Variants in PCDH9 observed in about 807,000 individuals in gnomAD.
PCDH9 encodes the protein protocadherin 9.
PCDH9 carries 24 observed loss-of-function variants against 70.6 expected under a neutral mutation model. The ratio of observed to expected loss-of-function variants is 0.34; its 90% CI spans 0.25 to 0.48. PCDH9 has a LOEUF of 0.48. Ranked by LOEUF, PCDH9 falls within the 20% of genes least tolerant of loss-of-function variation. PCDH9 has a pLI of 0.99. For synonymous variants in PCDH9, 562 were observed against 558.5 expected, an observed-to-expected ratio of 1.01 and a Z score of -0.09; for missense variants, 1,281 against 1,503.6, an observed-to-expected ratio of 0.85 and a Z score of 2.45.
intron 2 of PCDH9, among the ~76,000 whole-genome samples, chr13:66,917,040 TAA>T (rs2082568704): frequency 6.6e-6 from 1 of 151,528 alleles, no homozygotes; most frequent in African/African-American, 2.4e-5. Context: ...TCTTTAAAAA[TAA>T]AGTCTGTTCC....
intron 4 of PCDH9, among the ~76,000 whole-genome samples, chr13:66,502,264 G>A (rs750410431): frequency 2.0e-5 from 3 of 151,996 alleles, no homozygotes; most frequent in South Asian, 2.1e-4. Context: ...CACTGAATAA[G>A]GTTATTATTG....
At chr13:67,002,975 C>CT (rs569682957) in intron 2 of PCDH9, among the ~76,000 whole-genome samples, 56 of 151,076 alleles carry the variant, frequency 3.7e-4, no homozygotes, top group Admixed American at 4.0e-4. Context: ...TACATGGAGG[C>CT]TTTTTTTTAA....
intron 3 of PCDH9, among the ~76,000 whole-genome samples, chr13:66,897,986 C>A (rs2082211088): frequency 6.6e-6 from 1 of 152,006 alleles, no homozygotes; most frequent in Admixed American, 6.6e-5. Context: ...TAACAATTCT[C>A]CAGTCCATGA....
intron 4 of PCDH9, among the ~76,000 whole-genome samples, chr13:66,389,388 A>G (rs1269205757): frequency 3.9e-5 from 6 of 152,214 alleles, no homozygotes; most frequent in African/African-American, 1.4e-4. Context: ...CTAAAAATGC[A>G]TCAACAAATA....
intron 2 of PCDH9, among the ~76,000 whole-genome samples, chr13:67,126,711 G>A (rs2086988241): frequency 6.6e-6 from 1 of 152,110 alleles, no homozygotes; most frequent in Non-Finnish European, 1.5e-5. Context: ...TTAGCTAAGT[G>A]TGGTGGCACA....
At chr13:66,855,364 C>T (rs1748556554) in intron 3 of PCDH9, among the ~76,000 whole-genome samples, 1 of 152,024 alleles carries the variant, frequency 6.6e-6, no homozygotes, top group African/African-American at 2.4e-5. Flanking sequence ...TTACGGATTG[C>T]TGTGTTGTAA....
chr13:66,968,561 G>A (rs1368902519), intron 2 of PCDH9, among the ~76,000 whole-genome samples: 1 of 151,914 alleles, frequency 6.6e-6, no homozygotes, highest in African/African-American at 2.4e-5. Flanking sequence ...CATGCTGATG[G>A]CACAGGTATA....
chr13:66,751,466 ATC>A (rs1405896225), intron 3 of PCDH9, among the ~76,000 whole-genome samples: 89 of 152,262 alleles, frequency 5.8e-4, no homozygotes, highest in Non-Finnish European at 1.2e-4. Context: ...TACTATGAAA[ATC>A]TCTTTGTCTT....
At chr13:66,626,827 CA>C (rs1343615962) in intron 4 of PCDH9, among the ~76,000 whole-genome samples, 2 of 152,092 alleles carry the variant, frequency 1.3e-5, no homozygotes, top group African/African-American at 4.8e-5. Context: ...AGACTATCAT[CA>C]TTTACTTATT....
At chr13:67,047,358 A>G (rs543785860) in intron 2 of PCDH9, among the ~76,000 whole-genome samples, 1 of 152,352 alleles carries the variant, frequency 6.6e-6, no homozygotes, top group South Asian at 2.1e-4. Flanking sequence ...TTTTTCTAAT[A>G]ATAGCTTTAA....
chr13:66,798,860 G>T (rs1194936209), intron 3 of PCDH9, among the ~76,000 whole-genome samples: 2 of 151,980 alleles, frequency 1.3e-5, no homozygotes, highest in African/African-American at 4.8e-5. Context: ...CTGTCAGTTA[G>T]GCTTGAGTGC....
At chr13:66,938,247 G>A (rs1051094343) in intron 2 of PCDH9, among the ~76,000 whole-genome samples, 9 of 152,082 alleles carry the variant, frequency 5.9e-5, no homozygotes, top group African/African-American at 1.9e-4. Flanking sequence ...GGCATCAACA[G>A]GGCTTCTTAA....
chr13:66,309,599 G>A (rs1955527411), intron 4 of PCDH9, among the ~76,000 whole-genome samples: 1 of 151,746 alleles, frequency 6.6e-6, no homozygotes, highest in African/African-American at 2.4e-5. Context: ...TCAGATGTTT[G>A]CTAATACTGC....
At chr13:66,870,942 T>A (rs1460672350) in intron 3 of PCDH9, among the ~76,000 whole-genome samples, 3 of 152,184 alleles carry the variant, frequency 2.0e-5, no homozygotes, top group African/African-American at 7.2e-5. Flanking sequence ...TGCACACTTA[T>A]GTTTACTGCG....
At chr13:67,167,003 C>T (rs2088136364) in intron 2 of PCDH9, among the ~76,000 whole-genome samples, 1 of 152,182 alleles carries the variant, frequency 6.6e-6, no homozygotes, top group Non-Finnish European at 1.5e-5. Flanking sequence ...GATCTGACTT[C>T]TTGTTCTACA....
intron 2 of PCDH9, among the ~76,000 whole-genome samples, chr13:67,148,851 C>T (rs1452335762): frequency 6.6e-6 from 1 of 152,060 alleles, no homozygotes. Flanking sequence ...AACAAATAGA[C>T]ATTAATTTGA....
At chr13:66,837,337 A>T (rs930606766) in intron 3 of PCDH9, among the ~76,000 whole-genome samples, 4 of 152,082 alleles carry the variant, frequency 2.6e-5, no homozygotes, top group African/African-American at 9.7e-5. Context: ...GGTCTTCATG[A>T]AGTAAGGTAC....
intron 3 of PCDH9, among the ~76,000 whole-genome samples, chr13:66,875,385 T>C (rs1360011430): frequency 1.3e-5 from 2 of 152,218 alleles, no homozygotes; most frequent in East Asian, 3.8e-4. Context: ...GCATATGTTA[T>C]GCTTGTCTTC....
chr13:66,348,675 ATT>A (rs59340641), intron 4 of PCDH9, among the ~76,000 whole-genome samples: 75 of 136,118 alleles, frequency 5.5e-4, no homozygotes, highest in African/African-American at 1.9e-3. Flanking sequence ...GCTATTTGCC[ATT>A]TTTTTTTTTT....
Sources: allele counts gnomAD v4.1 joint callset (sites outside exome capture counted in the v4.1 genomes callset), GRCh38; gene constraint gnomAD v4.1.1; transcripts MANE v1.5; gene names NCBI Gene and HGNC (gene_info 2026-07-23, HGNC 2026-07-21).